The following LEF1 variants were observed in gnomAD, a reference collection of about 807,000 sequenced individuals.
LEF1 encodes lymphoid enhancer-binding factor 1.
In LEF1, 14 loss-of-function variants were observed where a neutral mutation model predicts 51.2. That is an observed-to-expected ratio of 0.27 (90% CI 0.18 to 0.43). LEF1 has a LOEUF of 0.43. LEF1 is among the 20% of genes least tolerant of loss of function. LEF1 has a pLI of 1.00. For synonymous variants in LEF1, 185 were observed against 183.2 expected (o/e 1.01, Z -0.08); for missense variants, 386 against 512.0 (o/e 0.75, Z 2.37).
intron 3 of LEF1, among the ~76,000 whole-genome samples, chr4:108,119,133 T>G (rs1359240045): frequency 6.7e-6 from 1 of 148,386 alleles, no homozygotes; most frequent in Admixed American, 6.8e-5. Context: ...CTATACAGAT[T>G]ATAAGTGTAG....
chr4:108,082,694 A>G (rs1346611603), intron 5 of LEF1, among the ~76,000 whole-genome samples: 1 of 152,206 alleles, frequency 6.6e-6, no homozygotes, highest in Non-Finnish European at 1.5e-5. Context: ...AAAATAGGCT[A>G]TACCATGTTA....
intron 11 of LEF1, among the ~76,000 whole-genome samples, chr4:108,051,984 G>A (rs944330570): frequency 2.6e-5 from 4 of 152,154 alleles, no homozygotes; most frequent in African/African-American, 9.7e-5. Flanking sequence ...TTCTCTCTAA[G>A]CCCAAATAAA....
At chr4:108,111,340 T>C (rs1741517118) in intron 3 of LEF1, among the ~76,000 whole-genome samples, 1 of 152,184 alleles carries the variant, frequency 6.6e-6, no homozygotes, top group Non-Finnish European at 1.5e-5. Context: ...AGCTAATCTT[T>C]GAAAGCACCA....
chr4:108,107,275 T>C lies in LEF1; in HGVS notation c.415-18018A>G, dbSNP rs1456629718. On this transcript the variant is annotated intron_variant, in intron 3 of 11. Transcript: ENST00000265165. ...AGAGACAGAGAAAGGTGTTTTTTTTTTTTTCTTTTTTTGGTAAAGATCACA... is the reference window on the plus strand; with the variant it reads ...AGAGACAGAGAAAGGTGTTTTTTTTCTTTTCTTTTTTTGGTAAAGATCACA... Among the ~76,000 whole-genome samples the C allele has an allele frequency of 3.3e-5, 5 of 152,120 alleles. No homozygotes were observed. The South Asian group carries it at 1.0e-3, about 32-fold the overall frequency.
At chr4:108,123,169 G>A (rs1328293168) in intron 3 of LEF1, among the ~76,000 whole-genome samples, 1 of 152,160 alleles carries the variant, frequency 6.6e-6, no homozygotes, top group Non-Finnish European at 1.5e-5. Context: ...ATGCTGTGGA[G>A]CATTACAAAA....
chr4:108,166,221 C>T, intron 1 of LEF1: 1 of 1,517,682 alleles, frequency 6.6e-7, no homozygotes. Context: ...GTAAAGAACA[C>T]CATTCTGTTC....
chr4:108,139,756 CTAGTT>C (rs1419555587), intron 3 of LEF1, among the ~76,000 whole-genome samples: 1 of 152,104 alleles, frequency 6.6e-6, no homozygotes, highest in African/African-American at 2.4e-5. Context: ...ATTGAGTAAA[CTAGTT>C]TATTGTTTTC....
At chr4:108,144,919 C>A (rs1224731470) in intron 3 of LEF1, among the ~76,000 whole-genome samples, 1 of 136,166 alleles carries the variant, frequency 7.3e-6, no homozygotes, top group Non-Finnish European at 1.5e-5. Flanking sequence ...ACTGCATAAT[C>A]TGCAGGTTTC....
chr4:108,119,134 A>C (rs754283498), intron 3 of LEF1, among the ~76,000 whole-genome samples: 1 of 148,294 alleles, frequency 6.7e-6, no homozygotes, highest in Admixed American at 6.8e-5. Flanking sequence ...TATACAGATT[A>C]TAAGTGTAGA....
intron 9 of LEF1, 56 bp from the exon 10 acceptor site, chr4:108,064,440 G>T: frequency 7.5e-7 from 1 of 1,339,550 alleles, no homozygotes; most frequent in Non-Finnish European, 1.1e-6. Context: ...ACACACAGAT[G>T]AATGTGATGT....
At chr4:108,137,900 AAG>A (rs1334186221) in intron 3 of LEF1, among the ~76,000 whole-genome samples, 3 of 152,226 alleles carry the variant, frequency 2.0e-5, no homozygotes, top group Non-Finnish European at 4.4e-5. Flanking sequence ...TTTCCTTTGA[AAG>A]AGATATATAA....
intron 3 of LEF1, among the ~76,000 whole-genome samples, chr4:108,114,405 C>G (rs1741713226): frequency 6.6e-6 from 1 of 152,082 alleles, no homozygotes; most frequent in Non-Finnish European, 1.5e-5. Context: ...TCATCACAGT[C>G]AAAACAGCAG....
intron 3 of LEF1, among the ~76,000 whole-genome samples, chr4:108,160,892 G>A (rs920952547): frequency 5.3e-5 from 8 of 152,166 alleles, no homozygotes; most frequent in African/African-American, 1.9e-4. Context: ...GGAGTGGTCA[G>A]GTCCCTCCCC....
chr4:108,089,472 A>G (rs1176444429), intron 3 of LEF1, among the ~76,000 whole-genome samples: 2 of 152,190 alleles, frequency 1.3e-5, no homozygotes, highest in African/African-American at 4.8e-5. Flanking sequence ...ACTGATATTC[A>G]TGAGTTATCA....
chr4:108,092,624 T>C (rs1740096143), intron 3 of LEF1, among the ~76,000 whole-genome samples: 1 of 152,178 alleles, frequency 6.6e-6, no homozygotes, highest in South Asian at 2.1e-4. Flanking sequence ...TCCATTCATT[T>C]AATCTCCTAA....
At chr4:108,059,367 G>A (rs181887387) in intron 11 of LEF1, among the ~76,000 whole-genome samples, 1 of 152,318 alleles carries the variant, frequency 6.6e-6, no homozygotes, top group Non-Finnish European at 1.5e-5. Context: ...ACCTAGGTTG[G>A]AGTGCAGTGG....
intron 3 of LEF1, among the ~76,000 whole-genome samples, chr4:108,118,495 AC>A (rs1422554249): frequency 6.6e-6 from 1 of 152,198 alleles, no homozygotes. Context: ...AACACTATAC[AC>A]CCAATGAATG....
intron 11 of LEF1, among the ~76,000 whole-genome samples, chr4:108,061,224 A>G (rs191132521): frequency 1.5e-3 from 227 of 152,314 alleles, no homozygotes; most frequent in African/African-American, 5.2e-3. Flanking sequence ...TTAGGGGGGT[A>G]GGGTGGAGAG....
intron 3 of LEF1, among the ~76,000 whole-genome samples, chr4:108,145,194 T>G (rs978863508): frequency 1.4e-4 from 21 of 152,224 alleles, no homozygotes; most frequent in African/African-American, 4.8e-4. Context: ...GGCCCCCGTT[T>G]GCTCTGTATG....
Sources: allele counts gnomAD v4.1 joint callset (sites outside exome capture counted in the v4.1 genomes callset), GRCh38; gene constraint gnomAD v4.1.1; transcripts MANE v1.5; gene names NCBI Gene and HGNC (gene_info 2026-07-23, HGNC 2026-07-21).